Variants in CELF1 observed in about 807,000 individuals in gnomAD.
CELF1 encodes the protein CUGBP Elav-like family member 1.
In CELF1, 10 loss-of-function variants were observed where a neutral mutation model predicts 61.8. That is an observed-to-expected ratio of 0.16 (90% CI 0.10 to 0.27). The LOEUF is 0.27. Ranked by LOEUF, CELF1 falls within the 10% of genes least tolerant of loss-of-function variation. The probability of loss-of-function intolerance (pLI) is 1.00; values close to 1 mark genes in which losing one functional copy is unlikely to be tolerated. For synonymous variants in CELF1, 236 were observed against 225.1 expected, an observed-to-expected ratio of 1.05 and a Z score of -0.43; for missense variants, 380 against 639.1, an observed-to-expected ratio of 0.59 and a Z score of 4.37.
At position 47,487,622 on chromosome 11, in the gene CELF1, T is replaced by G. The variant is rs181853108; in HGVS notation, c.260-381A>C. Among the ~76,000 whole-genome samples the G allele has an allele frequency of 9.3e-4, 141 of 152,352 alleles. 2 individuals are homozygous for G. Among genetic ancestry groups the G allele is most frequent in the African/African-American group, 3.3e-3 (138 of 41,580 alleles). ...GGCTCTATACTTTTGCAGCCTGTAG[T>G]CTACCAGGAACTCTTTCTTTCCCTG... On this transcript the variant is annotated intron_variant, in intron 4 of 14. Transcript: ENST00000687097.
rs748740423 is a variant in CELF1, at chr11:47,476,966, GA to G, written c.974-8del. ...GAGCTAGGTGAGGACCCTGCTATTA[GA>G]AAGCAAGGAGTTAAAATTCAACCCA... On this transcript the variant is annotated splice_polypyrimidine_tract_variant and splice_region_variant and intron_variant, in intron 11 of 14. Coordinates refer to ENST00000687097, the MANE Select transcript of CELF1 (RefSeq NM_001376376.1). 1.9e-6 allele frequency: 3 copies of G among 1,607,044 alleles called. No homozygotes were observed. Among genetic ancestry groups the G allele is most frequent in the Non-Finnish European group, 2.6e-6 (3 of 1,173,522 alleles).
chr11:47,486,926 T>G, intron 5 of CELF1, 128 bp from the exon 6 acceptor site: 1 of 799,832 alleles, frequency 1.3e-6, no homozygotes, highest in Non-Finnish European at 2.1e-6. Flanking sequence ...CTTCATGATC[T>G]TTCCCCAGAA....
intron 3 of CELF1, among the ~76,000 whole-genome samples, chr11:47,498,567 T>A (rs1031439834): frequency 2.6e-5 from 4 of 152,346 alleles, no homozygotes; most frequent in Admixed American, 6.5e-5. Context: ...ACACTTGTTA[T>A]CTAGAGAATA....
At chr11:47,497,174 T>C (rs1198348792) in intron 3 of CELF1, among the ~76,000 whole-genome samples, 1 of 152,168 alleles carries the variant, frequency 6.6e-6, no homozygotes, top group Non-Finnish European at 1.5e-5. Flanking sequence ...AGATGAAAAG[T>C]AATCAATGAG....
chr11:47,525,918 CACAA>C (rs975357306), intron 1 of CELF1, among the ~76,000 whole-genome samples: 7 of 128,852 alleles, frequency 5.4e-5, no homozygotes, highest in African/African-American at 1.4e-4. Flanking sequence ...CGTCTCTATC[CACAA>C]ACAAACAAAA....
chr11:47,559,656 T>G (rs1257613751), intron 2 of CELF1, among the ~76,000 whole-genome samples: 1 of 152,100 alleles, frequency 6.6e-6, no homozygotes, highest in African/African-American at 2.4e-5. Context: ...AAGAATAAAG[T>G]AAATCTACCT....
At chr11:47,555,169 T>C (rs778021062), upstream of CELF1, among the ~76,000 whole-genome samples, 11 of 152,168 alleles carry the variant, frequency 7.2e-5, no homozygotes, top group Non-Finnish European at 1.3e-4. Flanking sequence ...GTGCCAGATA[T>C]GGAAAACAAA....
At chr11:47,492,284 T>C (rs2091836003) in intron 3 of CELF1, among the ~76,000 whole-genome samples, 1 of 152,206 alleles carries the variant, frequency 6.6e-6, no homozygotes, top group Non-Finnish European at 1.5e-5. Flanking sequence ...CCTGGCCTAT[T>C]TTCTTTTGAG....
intron 9 of CELF1, 56 bp from the exon 10 acceptor site, chr11:47,479,008 C>A: frequency 7.1e-7 from 1 of 1,411,330 alleles, no homozygotes. Flanking sequence ...GGTTCTGCAT[C>A]TGGGATAACT....
chr11:47,506,184 T>C (rs2153577147), intron 1 of CELF1, among the ~76,000 whole-genome samples: 1 of 150,948 alleles, frequency 6.6e-6, no homozygotes, highest in East Asian at 1.9e-4. Context: ...CCCAGCACTT[T>C]GGGAGGCCGA....
At chr11:47,496,480 C>A (rs1344735673) in intron 3 of CELF1, among the ~76,000 whole-genome samples, 1 of 152,174 alleles carries the variant, frequency 6.6e-6, no homozygotes, top group Non-Finnish European at 1.5e-5. Context: ...GAGGCAATGT[C>A]ACTGAAAAAG....
chr11:47,545,852 T>C (rs930570884), intron 1 of CELF1, among the ~76,000 whole-genome samples: 9 of 122,434 alleles, frequency 7.4e-5, no homozygotes, highest in African/African-American at 1.2e-4. Context: ...TATGTATACG[T>C]GTGTGTGTGT....
chr11:47,483,333 G>T (rs2084609079), intron 8 of CELF1, 120 bp downstream of exon 8: 1 of 746,988 alleles, frequency 1.3e-6, no homozygotes, highest in Non-Finnish European at 2.4e-6. Context: ...TTAACTTTAA[G>T]ATGTTGGCTG....
chr11:47,480,082 G>A (rs1056753963), intron 9 of CELF1, among the ~76,000 whole-genome samples: 5 of 147,414 alleles, frequency 3.4e-5, no homozygotes, highest in Admixed American at 3.4e-4. Context: ...TAGCACCCAC[G>A]TCTACACTTT....
upstream of CELF1, among the ~76,000 whole-genome samples, chr11:47,554,557 C>T (rs1430650857): frequency 6.6e-6 from 1 of 152,090 alleles, no homozygotes; most frequent in Non-Finnish European, 1.5e-5. Flanking sequence ...TCCCTAAGCA[C>T]TCTATTTTAC....
At chr11:47,505,426 C>T (rs1442772198) in intron 1 of CELF1, among the ~76,000 whole-genome samples, 3 of 150,718 alleles carry the variant, frequency 2.0e-5, no homozygotes, top group South Asian at 2.1e-4. Context: ...GAGGTCAGAT[C>T]GAGACCACCC....
At chr11:47,552,720 G>T (rs940101479) in intron 1 of CELF1, among the ~76,000 whole-genome samples, 1 of 152,198 alleles carries the variant, frequency 6.6e-6, no homozygotes, top group Non-Finnish European at 1.5e-5. Context: ...AAGGGCGCGG[G>T]GAGAGGAAGC....
intron 1 of CELF1, among the ~76,000 whole-genome samples, chr11:47,550,642 C>G (rs188748459): frequency 1.3e-5 from 2 of 151,888 alleles, no homozygotes; most frequent in East Asian, 1.9e-4. Context: ...ACAATCATCT[C>G]TGAGTGGTGG....
Position 47,467,510 on chromosome 11 carries a change from G to A in CELF1, c.*4720C>T, listed in dbSNP as rs1338693196. 2 of 152,348 alleles carry A rather than the reference G, an allele frequency of 1.3e-5. No individual in the cohort carries two copies. The highest frequency in any genetic ancestry group is 4.8e-5 in the African/African-American group (2 of 41,462). 9.4% of individuals were successfully genotyped at this position (152,348 alleles called of 1,614,324 possible). A position where few individuals can be genotyped will look rare whatever the true frequency, so the allele number is the denominator to read the frequency against. Reference sequence around the variant, plus strand: ...TGGCTGGTGCCCAGGGCTGTAAACAGTGTGAAGACTGTAGTATTGTGCTTG... The same window carrying A: ...TGGCTGGTGCCCAGGGCTGTAAACAATGTGAAGACTGTAGTATTGTGCTTG... On this transcript the variant is annotated 3_prime_UTR_variant, in exon 15 of 15. Coordinates refer to ENST00000687097, the MANE Select transcript of CELF1 (RefSeq NM_001376376.1).
Sources: allele counts gnomAD v4.1 joint callset (sites outside exome capture counted in the v4.1 genomes callset), GRCh38; gene constraint gnomAD v4.1.1; transcripts MANE v1.5; gene names NCBI Gene and HGNC (gene_info 2026-07-23, HGNC 2026-07-21).